Variants in SDCCAG8 observed in about 807,000 individuals in gnomAD.
The protein encoded by SDCCAG8 is SHH signaling and ciliogenesis regulator SDCCAG8, also known as serologically defined colon cancer antigen 8.
In SDCCAG8, 74 loss-of-function variants were observed where a neutral mutation model predicts 101.8. That is an observed-to-expected ratio of 0.73 (90% confidence interval 0.60 to 0.88). The LOEUF (loss-of-function observed/expected upper bound fraction) is 0.88, where lower values mean the gene tolerates loss of function less well. Ranked by LOEUF, SDCCAG8 falls within the 40% of genes least tolerant of loss-of-function variation. The pLI is 0.00. For missense variants in SDCCAG8, 787 were observed against 822.6 expected (o/e 0.96, Z 0.53); for synonymous variants, 281 against 292.9 (o/e 0.96, Z 0.41).
At chr1:243,300,724 C>T (rs1457962153) in intron 6 of SDCCAG8, among the ~76,000 whole-genome samples, 1 of 152,142 alleles carries the variant, frequency 6.6e-6, no homozygotes, top group Non-Finnish European at 1.5e-5. Context: ...AACATTTCCT[C>T]TGTGAGGCCT....
intron 13 of SDCCAG8, among the ~76,000 whole-genome samples, chr1:243,395,767 T>G (rs1211255500): frequency 4.6e-5 from 7 of 152,124 alleles, no homozygotes; most frequent in Admixed American, 4.6e-4. Context: ...TTATAACTGT[T>G]TAATCAGTCA....
intron 16 of SDCCAG8, among the ~76,000 whole-genome samples, chr1:243,447,877 G>A (rs1057378443): frequency 2.0e-5 from 3 of 152,182 alleles, no homozygotes; most frequent in African/African-American, 7.2e-5. Flanking sequence ...CTTCCCTGTG[G>A]GGTGGTTCTT....
At position 243,316,892 on chromosome 1, in the gene SDCCAG8, A is replaced by C; in HGVS notation, c.1067A>C (p.Lys356Thr). Residue 356 changes from lysine (K) to threonine (T), a missense_variant and splice_region_variant, in exon 9 of 18, where the codon AAG (lysine) becomes ACG (threonine). Lys to Thr is a moderately conservative substitution (Grantham distance 78, BLOSUM62 -1). Coordinates refer to ENST00000366541, the MANE Select transcript of SDCCAG8 (RefSeq NM_006642.5). ...GAGGAAGCCAATTTTGAAAAAACCA[A>C]GGCAAGTCTAATAAGATGCAAATAA... ...ISEEANFEKT[K>T]ALIQCDQLRK... 1 of 1,614,078 alleles carries C rather than the reference A, an allele frequency of 6.2e-7. No individual in the cohort carries two copies. The highest frequency in any genetic ancestry group is 8.5e-7 in the Non-Finnish European group (1 of 1,179,962).
intron 5 of SDCCAG8, among the ~76,000 whole-genome samples, chr1:243,290,368 C>T (rs1378598127): frequency 1.3e-5 from 2 of 152,012 alleles, no homozygotes; most frequent in Non-Finnish European, 2.9e-5. Context: ...CAATTCTTTC[C>T]AAAGAATGAT....
chr1:243,449,759 G>A (rs191217115), intron 16 of SDCCAG8, among the ~76,000 whole-genome samples: 12 of 152,246 alleles, frequency 7.9e-5, no homozygotes. Context: ...TGTTAGGCCC[G>A]ACTGGACCAT....
At chr1:243,293,400 A>T (rs1036393703) in intron 6 of SDCCAG8, 181 bp downstream of exon 6, 1 of 761,862 alleles carries the variant, frequency 1.3e-6, no homozygotes, top group East Asian at 2.7e-5. Context: ...CATTTTCAGA[A>T]CTTTTTGATC....
intron 12 of SDCCAG8, 23 bp from the exon 13 acceptor site, chr1:243,378,698 T>C: frequency 6.2e-7 from 1 of 1,613,270 alleles, no homozygotes; most frequent in Non-Finnish European, 8.5e-7. Context: ...TATGGATGCT[T>C]TTTCCCCTTC....
At chr1:243,295,330 C>T (rs935884374) in intron 6 of SDCCAG8, among the ~76,000 whole-genome samples, 9 of 152,102 alleles carry the variant, frequency 5.9e-5, no homozygotes, top group Non-Finnish European at 8.8e-5. Flanking sequence ...CTCAGCCTCC[C>T]GGGTGCAAGC....
At chr1:243,387,027 T>C (rs927219868) in intron 13 of SDCCAG8, among the ~76,000 whole-genome samples, 5 of 152,248 alleles carry the variant, frequency 3.3e-5, no homozygotes, top group South Asian at 2.1e-4. Flanking sequence ...ATTTTTGACA[T>C]GTCCAAATAT....
At chr1:243,480,738 GGGATGGATGGATGGGGGAT>G (rs1663509174) in intron 16 of SDCCAG8, among the ~76,000 whole-genome samples, 4 of 121,034 alleles carry the variant, frequency 3.3e-5, no homozygotes, top group Non-Finnish European at 5.2e-5. Context: ...GGATGAATGG[GGGATGGATGGATGGGGGAT>G]GGATGGATGG....
chr1:243,498,003 G>A (rs2148321252), intron 17 of SDCCAG8, among the ~76,000 whole-genome samples: 1 of 152,246 alleles, frequency 6.6e-6, no homozygotes, highest in Middle Eastern at 3.4e-3. Flanking sequence ...AGTGTTATCT[G>A]TTGGGATTTA....
chr1:243,340,746 G>T (rs2075336847), intron 10 of SDCCAG8, among the ~76,000 whole-genome samples: 1 of 152,152 alleles, frequency 6.6e-6, no homozygotes, highest in African/African-American at 2.4e-5. Flanking sequence ...TAACTTAATT[G>T]GGTGTTTGAT....
chr1:243,304,565 A>G, intron 6 of SDCCAG8, 148 bp from the exon 7 acceptor site: 1 of 607,750 alleles, frequency 1.6e-6, no homozygotes, highest in South Asian at 2.1e-5. Context: ...GAAAAATTCA[A>G]GTGGACTAGG....
intron 12 of SDCCAG8, among the ~76,000 whole-genome samples, chr1:243,369,465 T>C (rs1187683539): frequency 6.6e-6 from 1 of 152,144 alleles, no homozygotes; most frequent in African/African-American, 2.4e-5. Flanking sequence ...ACTTCTTCCA[T>C]TTATCTCTTT....
intron 9 of SDCCAG8, among the ~76,000 whole-genome samples, chr1:243,322,066 A>G (rs2073802445): frequency 6.6e-6 from 1 of 152,246 alleles, no homozygotes; most frequent in South Asian, 2.1e-4. Context: ...GCTGTGTTGA[A>G]TGGTAGCTCT....
chr1:243,431,000 C>T (rs1162736575), intron 16 of SDCCAG8, among the ~76,000 whole-genome samples: 1 of 151,492 alleles, frequency 6.6e-6, no homozygotes, highest in Non-Finnish European at 1.5e-5. Flanking sequence ...AGTTCGAGAC[C>T]AGCCTGGCCA....
In SDCCAG8 at chr1:243,499,867, AC is replaced by A; in HGVS notation, c.*84del. On this transcript the variant is annotated 3_prime_UTR_variant, in exon 18 of 18. Transcript: ENST00000366541. Reference sequence around the variant, plus strand: ...GTTTAGACTTAATATGCCACAACGCACCACGACCTTCCCAGGGTGACACCGC... The same window carrying A: ...GTTTAGACTTAATATGCCACAACGCACACGACCTTCCCAGGGTGACACCGC... 1 of 1,356,116 alleles carries A rather than the reference AC, an allele frequency of 7.4e-7. No homozygotes were observed. 84.0% of individuals were successfully genotyped at this position (1,356,116 alleles called of 1,614,324 possible).
intron 10 of SDCCAG8, among the ~76,000 whole-genome samples, chr1:243,333,275 C>T (rs1360603423): frequency 6.6e-6 from 1 of 152,146 alleles, no homozygotes; most frequent in African/African-American, 2.4e-5. Flanking sequence ...CTTTCTTATC[C>T]TCAGGAAAAT....
intron 7 of SDCCAG8, chr1:243,307,360 C>T (rs1004360730): frequency 6.4e-5 from 63 of 979,962 alleles, no homozygotes; most frequent in Non-Finnish European, 7.6e-5. Context: ...TTATGACTGG[C>T]AAGTTCTATG....
Sources: gnomAD v4.1 joint callset for allele counts (sites outside exome capture counted in the v4.1 genomes callset) on GRCh38, gnomAD v4.1.1 for gene constraint, MANE v1.5 for transcripts, NCBI Gene and HGNC (gene_info 2026-07-23, HGNC 2026-07-21) for gene names.